ANKRD30BL: variants seen among roughly 807,000 people sequenced by gnomAD.
The protein encoded by ANKRD30BL is putative ankyrin repeat domain-containing protein 30B-like.
A neutral mutation model predicts 18.4 loss-of-function variants in ANKRD30BL; 20 were observed. The ratio of observed to expected loss-of-function variants is 1.09; its 90% CI spans 0.77 to 1.58. The LOEUF is 1.58. Among genes scored for constraint, ANKRD30BL ranks in the 40% most tolerant of loss-of-function variants. The probability of loss-of-function intolerance (pLI) is 0.00; values close to 1 mark genes in which losing one functional copy is unlikely to be tolerated. For missense variants in ANKRD30BL, 224 were observed against 268.6 expected, an observed-to-expected ratio of 0.83 and a Z score of 1.16; for synonymous variants, 72 against 100.9, an observed-to-expected ratio of 0.71 and a Z score of 1.72.
At chr2:132,219,557 C>A (rs999875878) in intron 1 of ANKRD30BL, among the ~76,000 whole-genome samples, 2 of 151,820 alleles carry the variant, frequency 1.3e-5, no homozygotes, top group Middle Eastern at 3.2e-3. Flanking sequence ...CAGAGTTGAA[C>A]ATACCTTATC....
chr2:132,196,151 AAAAAG>A (rs1678963302), intron 1 of ANKRD30BL, among the ~76,000 whole-genome samples: 2 of 150,834 alleles, frequency 1.3e-5, no homozygotes, highest in African/African-American at 2.5e-5. Flanking sequence ...CAAAAAAAAA[AAAAAG>A]AAAAAGAAAA....
intron 1 of ANKRD30BL, among the ~76,000 whole-genome samples, chr2:132,225,991 T>C (rs1048337143): frequency 1.3e-5 from 2 of 151,986 alleles, no homozygotes; most frequent in Non-Finnish European, 2.9e-5. Flanking sequence ...TTGAGGCCTA[T>C]GTTGGAAAAG....
intron 1 of ANKRD30BL, among the ~76,000 whole-genome samples, chr2:132,214,172 A>C (rs1679430236): frequency 6.6e-6 from 1 of 152,112 alleles, no homozygotes; most frequent in Non-Finnish European, 1.5e-5. Context: ...CATAAAAACT[A>C]TACAGAAACA....
chr2:132,237,326 G>C lies in ANKRD30BL; in HGVS notation n.441+20203C>G, dbSNP rs139492892. Among the ~76,000 whole-genome samples, 6 of 151,822 alleles carry C rather than the reference G, an allele frequency of 4.0e-5. No individual in the cohort carries two copies. In the East Asian group the frequency reaches 1.2e-3, roughly 29 times the overall value. On this transcript the variant is annotated intron_variant and non_coding_transcript_variant, in intron 1 of 4. Coordinates refer to the ANKRD30BL transcript ENST00000470729. ...CATTCTCACAAACTACTTTGTGATG[G>C]GTGTACTCAACTCACAGTTAAAACT...
chr2:132,164,269 C>CTTTTTTTTTTTTTTTTTTTTTTTTTTTTT (rs796313755), upstream of ANKRD30BL, among the ~76,000 whole-genome samples: 3 of 112,220 alleles, frequency 2.7e-5, no homozygotes, highest in East Asian at 4.0e-4. Context: ...TTTTCTTTTT[C>CTTTTTTTTTTTTTTTTTTTTTTTTTTTTT]TTTTTTTTTT....
chr2:132,200,658 T>C (rs1679079874), intron 1 of ANKRD30BL, among the ~76,000 whole-genome samples: 1 of 152,124 alleles, frequency 6.6e-6, no homozygotes, highest in Non-Finnish European at 1.5e-5. Context: ...TACAAACAAA[T>C]GGAAGAACAT....
intron 1 of ANKRD30BL, among the ~76,000 whole-genome samples, chr2:132,247,535 T>C (rs1484309716): frequency 1.3e-5 from 2 of 151,842 alleles, no homozygotes; most frequent in Non-Finnish European, 3.0e-5. Context: ...GTGTGATGAA[T>C]GCACACATTA....
intron 1 of ANKRD30BL, among the ~76,000 whole-genome samples, chr2:132,184,526 A>G (rs1688530865): frequency 6.6e-6 from 1 of 152,250 alleles, no homozygotes; most frequent in Non-Finnish European, 1.5e-5. Flanking sequence ...ATTTAATATC[A>G]ACAAGAAAAC....
At chr2:132,195,303 C>G (rs1678940220) in intron 1 of ANKRD30BL, among the ~76,000 whole-genome samples, 1 of 152,080 alleles carries the variant, frequency 6.6e-6, no homozygotes, top group Admixed American at 6.5e-5. Flanking sequence ...ATGTAGAGAA[C>G]TTCTCATTCA....
At position 132,247,250 on chromosome 2, in the gene ANKRD30BL, C is replaced by T. The variant is rs551052835; in HGVS notation, n.441+10279G>A. On this transcript the variant is annotated intron_variant and non_coding_transcript_variant, in intron 1 of 4. Transcript: ENST00000470729. The stretch of plus-strand genomic sequence containing the variant: ...TCCCTTTCATGGAGCAGTTTTGAAA[C>T]TCTCTTTTTGTAGTATCTGGAAGTG... Among the ~76,000 whole-genome samples the T allele has an allele frequency of 1.2e-4, 18 of 151,778 alleles. No homozygotes were observed. In the East Asian group the frequency reaches 3.3e-3, roughly 28 times the overall value.
chr2:132,209,747 A>G (rs945100280), intron 1 of ANKRD30BL, among the ~76,000 whole-genome samples: 31 of 152,096 alleles, frequency 2.0e-4, no homozygotes, highest in African/African-American at 6.3e-4. Context: ...CATTCAACTC[A>G]CATAGTTGAA....
At chr2:132,187,848 T>C (rs898511172) in intron 1 of ANKRD30BL, among the ~76,000 whole-genome samples, 2 of 150,940 alleles carry the variant, frequency 1.3e-5, no homozygotes, top group African/African-American at 4.9e-5. Context: ...AACCTCCGCC[T>C]CCTGGGTTCA....
chr2:132,228,957 T>C (rs1289089942), intron 1 of ANKRD30BL, among the ~76,000 whole-genome samples: 3 of 151,856 alleles, frequency 2.0e-5, no homozygotes, highest in African/African-American at 7.2e-5. Context: ...AAAAAATAGA[T>C]AGAAGCATTT....
chr2:132,163,903 G>A (rs747153102), upstream of ANKRD30BL, among the ~76,000 whole-genome samples: 26 of 152,294 alleles, frequency 1.7e-4, no homozygotes, highest in Non-Finnish European at 3.8e-4. Flanking sequence ...AGTTTACAGA[G>A]CAAAGAAATA....
In ANKRD30BL at chr2:132,174,724, C is replaced by A. The variant is rs75240892; in HGVS notation, n.442-17578G>T. On this transcript the variant is annotated intron_variant and non_coding_transcript_variant, in intron 1 of 4. Transcript: ENST00000470729. ...GTCAGATCTAAGTCAAAAGAAGTAA[C>A]TTCTATCTCTTTGGAAAAGTGAATT... 4.4e-3 allele frequency among the ~76,000 whole-genome samples: 673 copies of A among 152,230 alleles called. 7 individuals carry two copies. The highest frequency in any genetic ancestry group is 0.015 in the African/African-American group (635 of 41,552).
intron 1 of ANKRD30BL, among the ~76,000 whole-genome samples, chr2:132,226,329 C>T (rs375478969): frequency 6.7e-6 from 1 of 149,314 alleles, no homozygotes; most frequent in South Asian, 2.1e-4. Flanking sequence ...CGCTTTGAGG[C>T]CTATGGTGGA....
intron 1 of ANKRD30BL, among the ~76,000 whole-genome samples, chr2:132,200,369 T>C (rs1679070935): frequency 6.6e-6 from 1 of 152,170 alleles, no homozygotes; most frequent in South Asian, 2.1e-4. Flanking sequence ...TGTTTGCAGA[T>C]GACATGATTG....
chr2:132,161,848 C>T lies in ANKRD30BL; in HGVS notation c.-143G>A, dbSNP rs1688075078. On this transcript the variant is annotated 5_prime_UTR_variant, in exon 1 of 6. It adds an upstream start codon to the 5' untranslated region. Transcript: ENST00000409867. The stretch of plus-strand genomic sequence containing the variant: ...CTCAGTCGGGCCAAGCTTTTGGACA[C>T]TCCAACCTCTCCCGGGAGAAAATGG... The T allele has an allele frequency of 1.6e-6, 1 of 613,876 alleles. No individual in the cohort carries two copies. The highest frequency in any genetic ancestry group is 3.0e-5 in the Admixed American group (1 of 33,870). 38.0% of individuals were successfully genotyped at this position (613,876 alleles called of 1,614,324 possible). A position where few individuals can be genotyped will look rare whatever the true frequency, so the allele number is the denominator to read the frequency against.
At chr2:132,196,401 G>A (rs2104742702) in intron 1 of ANKRD30BL, among the ~76,000 whole-genome samples, 1 of 152,170 alleles carries the variant, frequency 6.6e-6, no homozygotes, top group East Asian at 1.9e-4. Flanking sequence ...AGTGAGCAGA[G>A]ATCACGCCAT....
Sources: allele counts gnomAD v4.1 joint callset (sites outside exome capture counted in the v4.1 genomes callset), GRCh38; gene constraint gnomAD v4.1.1; transcripts MANE v1.5; gene names NCBI Gene and HGNC (gene_info 2026-07-23, HGNC 2026-07-21).